MYOM1: variants seen among roughly 807,000 people sequenced by gnomAD.
MYOM1 encodes the protein myomesin 1.
Under a neutral mutation model 205.3 loss-of-function variants are expected in MYOM1, and 164 were observed. That is an observed-to-expected ratio of 0.80 (90% CI 0.70 to 0.91). MYOM1 has a LOEUF of 0.91. Among genes scored for constraint, MYOM1 ranks in the 40% least tolerant of loss-of-function variants. MYOM1 has a pLI of 0.00. For synonymous variants in MYOM1, 772 were observed against 789.4 expected, an observed-to-expected ratio of 0.98 and a Z score of 0.37; for missense variants, 2,011 against 2,127.3, an observed-to-expected ratio of 0.95 and a Z score of 1.08.
chr18:3,076,354 C>T (rs2079021085), intron 34 of MYOM1, among the ~76,000 whole-genome samples: 1 of 152,152 alleles, frequency 6.6e-6, no homozygotes, highest in Non-Finnish European at 1.5e-5. Flanking sequence ...AGGCATGAGC[C>T]ACTGCGCCCA....
chr18:3,229,582 T>C, the MYOM1 span, among the ~76,000 whole-genome samples: 2 of 152,244 alleles, frequency 1.3e-5, no homozygotes, highest in South Asian at 2.1e-4. Flanking sequence ...TAGGCTAATG[T>C]ATAATGTCAT....
intron 12 of MYOM1, 86 bp downstream of exon 12, chr18:3,151,608 G>A: frequency 8.1e-7 from 1 of 1,240,438 alleles, no homozygotes; most frequent in Non-Finnish European, 1.1e-6. Flanking sequence ...TAGTGGAAGG[G>A]AGAGAAACAA....
At chr18:3,071,636 C>T (rs573101058) in intron 37 of MYOM1, among the ~76,000 whole-genome samples, 198 bp downstream of exon 37, 4 of 152,294 alleles carry the variant, frequency 2.6e-5, no homozygotes, top group South Asian at 2.1e-4. Flanking sequence ...GGATTACAGG[C>T]GTGAGCCATC....
intron 9 of MYOM1, among the ~76,000 whole-genome samples, chr18:3,165,418 A>G (rs2080453708): frequency 6.6e-6 from 1 of 152,194 alleles, no homozygotes; most frequent in Non-Finnish European, 1.5e-5. Flanking sequence ...ATCTTCAATT[A>G]TAAGTGGTAA....
rs749615941 is a variant in MYOM1 at position 3,174,182 on chromosome 18, T to G, written c.1049A>C (p.Tyr350Ser). The G allele has an allele frequency of 1.2e-6, 2 of 1,613,564 alleles. No individual in the cohort carries two copies. Among genetic ancestry groups the G allele is most frequent in the Non-Finnish European group, 1.7e-6 (2 of 1,179,506 alleles). Residue 350 changes from tyrosine to serine, a missense_variant, in exon 7 of 38, where the codon TAC (tyrosine) becomes TCC (serine). Tyr to Ser is a moderately radical substitution (Grantham distance 144). Coordinates refer to ENST00000356443, the MANE Select transcript of MYOM1 (RefSeq NM_003803.4). Reference protein sequence around the residue: ...NGCDFEDTAQYRASAMNVKGE... With the variant: ...NGCDFEDTAQSRASAMNVKGE... Reference sequence around the variant, plus strand: ...TTTAACATTCATCGCCGAGGCCCGGTACTGAGCTGTATCTTCAAAATCACA... The same window carrying G: ...TTTAACATTCATCGCCGAGGCCCGGGACTGAGCTGTATCTTCAAAATCACA...
At chr18:3,153,894 T>C (rs2080254953) in intron 11 of MYOM1, among the ~76,000 whole-genome samples, 1 of 152,166 alleles carries the variant, frequency 6.6e-6, no homozygotes. Flanking sequence ...ACAATGTTAT[T>C]TAGGCCAAAT....
Position 3,200,732 on chromosome 18 carries a change from G to A in MYOM1, c.291-6774C>T, listed in dbSNP as rs1386242096. 3.3e-5 allele frequency among the ~76,000 whole-genome samples: 5 copies of A among 152,040 alleles called. No individual in the cohort carries two copies. The East Asian group carries it at 5.8e-4, about 18-fold the overall frequency. The stretch of plus-strand genomic sequence containing the variant: ...GAAAAATTAAAAGAGCCTCAGAAAC[G>A]TGTGAGACAATGTCAAACATACTAA... On this transcript the variant is annotated intron_variant, in intron 2 of 37. Transcript: ENST00000356443.
chr18:3,132,543 C>T (rs562660354), intron 16 of MYOM1, among the ~76,000 whole-genome samples: 101 of 152,000 alleles, frequency 6.6e-4, no homozygotes, highest in Non-Finnish European at 1.3e-3. Flanking sequence ...GGTTTGTTGA[C>T]GGATTATTTC....
chr18:3,102,168 AT>A (rs1244552350), intron 23 of MYOM1, among the ~76,000 whole-genome samples: 6 of 149,956 alleles, frequency 4.0e-5, no homozygotes, highest in African/African-American at 9.8e-5. Context: ...CACCCGGCTA[AT>A]TTTTTTTTGT....
intron 18 of MYOM1, 125 bp from the exon 19 acceptor site, chr18:3,127,022 G>A (rs2079797444): frequency 5.1e-6 from 4 of 785,416 alleles, no homozygotes; most frequent in Admixed American, 2.7e-5. Flanking sequence ...ATTCGAGGCT[G>A]ATGAACTTGG....
intron 5 of MYOM1, among the ~76,000 whole-genome samples, chr18:3,186,016 C>T: frequency 6.6e-6 from 1 of 151,984 alleles, no homozygotes; most frequent in East Asian, 1.9e-4. Context: ...GCCAACACGG[C>T]AAAACCCCGT....
intron 5 of MYOM1, among the ~76,000 whole-genome samples, chr18:3,185,595 A>C (rs2080798681): frequency 6.6e-6 from 1 of 152,220 alleles, no homozygotes; most frequent in African/African-American, 2.4e-5. Context: ...TTAACAGGCC[A>C]AATTGTGCAA....
At chr18:3,233,715 T>C in the MYOM1 span, among the ~76,000 whole-genome samples, 1 of 152,200 alleles carries the variant, frequency 6.6e-6, no homozygotes, top group South Asian at 2.1e-4. Context: ...CATCTACCAT[T>C]CCTTCTCCAG....
intron 9 of MYOM1, among the ~76,000 whole-genome samples, chr18:3,167,533 G>T (rs370748296): frequency 7.2e-5 from 11 of 152,058 alleles, no homozygotes; most frequent in African/African-American, 2.2e-4. Flanking sequence ...ACAGGTGTGC[G>T]CCACCACGCC....
At chr18:3,158,538 C>T (rs887486180) in intron 10 of MYOM1, among the ~76,000 whole-genome samples, 1 of 152,204 alleles carries the variant, frequency 6.6e-6, no homozygotes, top group Non-Finnish European at 1.5e-5. Context: ...TTCCTCCATT[C>T]CTTTACCCCA....
intron 14 of MYOM1, among the ~76,000 whole-genome samples, chr18:3,141,137 T>G (rs1343753411): frequency 6.6e-6 from 1 of 152,216 alleles, no homozygotes; most frequent in African/African-American, 2.4e-5. Flanking sequence ...ACCTGTGCCT[T>G]GCGTGGCCGG....
In MYOM1 at chr18:3,209,638, T is replaced by C. The variant is rs554487615; in HGVS notation, c.290+5296A>G. ...CCTTGCATGGGCCTCGATGCTGTTC[T>C]GTGCTGGAAGGCCTGGCAGTGGCTG... On this transcript the variant is annotated intron_variant, in intron 2 of 37. Transcript: ENST00000356443. The surrounding 1 kb of genome is among the most constrained non-coding windows in gnomAD (Gnocchi z 4.0). Among the ~76,000 whole-genome samples, 4 of 152,338 alleles carry C rather than the reference T, an allele frequency of 2.6e-5. No individual in the cohort carries two copies. Among genetic ancestry groups the C allele is most frequent in the African/African-American group, 9.6e-5 (4 of 41,578 alleles).
At chr18:3,193,461 CCCAGGATCCACTTCCCATT>C (rs1164282999) in intron 3 of MYOM1, among the ~76,000 whole-genome samples, 1 of 151,742 alleles carries the variant, frequency 6.6e-6, no homozygotes, top group East Asian at 1.9e-4. Context: ...TCACAAGCAT[CCCAGGATCCACTTCCCATT>C]CCAGCTAGTT....
At chr18:3,207,878 G>C in intron 2 of MYOM1, among the ~76,000 whole-genome samples, 1 of 152,180 alleles carries the variant, frequency 6.6e-6, no homozygotes, top group East Asian at 1.9e-4. Context: ...GCCATTCTGG[G>C]TATATCTGGT....
Sources: allele counts gnomAD v4.1 joint callset (sites outside exome capture counted in the v4.1 genomes callset), GRCh38; gene constraint gnomAD v4.1.1; non-coding constraint Gnocchi (gnomAD v3.1); transcripts MANE v1.5; gene names NCBI Gene and HGNC (gene_info 2026-07-23, HGNC 2026-07-21).